Variants in OR1J2 observed in about 807,000 individuals in gnomAD.
OR1J2 encodes olfactory receptor family 1 subfamily J member 2, also known as olfactory receptor 1J2.
For missense variants in OR1J2, 304 were observed against 246.1 expected (o/e 1.24, Z -1.57); for synonymous variants, 142 against 99.7 (o/e 1.42, Z -2.52).
chr9:122,458,242 C>T, the OR1J2 span, among the ~76,000 whole-genome samples: 2 of 152,204 alleles, frequency 1.3e-5, no homozygotes, highest in East Asian at 1.9e-4. Context: ...CATGTTGAAA[C>T]GTGTCAGTTG....
the OR1J2 span, chr9:122,527,343 C>T: frequency 1.7e-6 from 2 of 1,167,288 alleles, no homozygotes; most frequent in Non-Finnish European, 2.5e-6. Flanking sequence ...TGCTAGATTT[C>T]ATCTACAACT....
the OR1J2 span, among the ~76,000 whole-genome samples, chr9:122,533,572 G>A: frequency 6.6e-6 from 1 of 152,228 alleles, no homozygotes; most frequent in South Asian, 2.1e-4. Context: ...CCCAGGTGTA[G>A]TCAAGGAACA....
chr9:122,494,518 T>G, the OR1J2 span, among the ~76,000 whole-genome samples: 4 of 152,278 alleles, frequency 2.6e-5, no homozygotes, highest in East Asian at 7.7e-4. Context: ...TTGTTTTTGG[T>G]GTCCATTTGC....
chr9:122,474,841 A>G, the OR1J2 span, among the ~76,000 whole-genome samples: 1 of 151,398 alleles, frequency 6.6e-6, no homozygotes, highest in Non-Finnish European at 1.5e-5. Flanking sequence ...CAGTAACAGC[A>G]TCTCTACCAA....
At chr9:122,545,319 G>A in the OR1J2 span, among the ~76,000 whole-genome samples, 7 of 152,068 alleles carry the variant, frequency 4.6e-5, no homozygotes, top group African/African-American at 7.2e-5. Flanking sequence ...ATGGTATTCC[G>A]TAAGTATCAA....
At chr9:122,467,775 G>C in the OR1J2 span, among the ~76,000 whole-genome samples, 3 of 152,286 alleles carry the variant, frequency 2.0e-5, no homozygotes, top group Admixed American at 6.5e-5. Context: ...AACCATGGGA[G>C]GAGGTTTGTT....
the OR1J2 span, chr9:122,527,229 T>C: frequency 1.2e-6 from 2 of 1,613,882 alleles, no homozygotes; most frequent in Non-Finnish European, 1.7e-6. Flanking sequence ...GAGGGACTGC[T>C]GTTGCTCTGG....
the OR1J2 span, among the ~76,000 whole-genome samples, chr9:122,482,259 A>G: frequency 6.6e-6 from 1 of 152,178 alleles, no homozygotes. Flanking sequence ...GCCAATAGGT[A>G]TATGGAAAAC....
At chr9:122,447,927 G>A in the OR1J2 span, among the ~76,000 whole-genome samples, 7 of 152,148 alleles carry the variant, frequency 4.6e-5, no homozygotes, top group South Asian at 2.1e-4. Context: ...GGTTGAGCCC[G>A]ATGAAGGGAG....
At chr9:122,510,364 G>T (rs574260815), upstream of OR1J2, among the ~76,000 whole-genome samples, 2 of 152,142 alleles carry the variant, frequency 1.3e-5, no homozygotes, top group South Asian at 4.2e-4. Flanking sequence ...TTTATGTTTT[G>T]TTATCGAACC....
chr9:122,531,250 A>G, the OR1J2 span, among the ~76,000 whole-genome samples: 1 of 152,144 alleles, frequency 6.6e-6, no homozygotes, highest in East Asian at 1.9e-4. Flanking sequence ...AATTATTGGA[A>G]GGAGGTTCAG....
the OR1J2 span, among the ~76,000 whole-genome samples, chr9:122,480,400 A>G: frequency 6.6e-6 from 1 of 152,198 alleles, no homozygotes; most frequent in Non-Finnish European, 1.5e-5. Flanking sequence ...TCACATCATT[A>G]GAAAACTTTA....
the OR1J2 span, chr9:122,526,853 C>T: frequency 6.2e-7 from 1 of 1,614,094 alleles, no homozygotes; most frequent in Non-Finnish European, 8.5e-7. Context: ...TGGTGAGGAC[C>T]CAGCACAATG....
At chr9:122,553,387 A>G in the OR1J2 span, 1 of 1,613,960 alleles carries the variant, frequency 6.2e-7, no homozygotes, top group Non-Finnish European at 8.5e-7. Flanking sequence ...CCACACCTCC[A>G]TACTCCCATG....
the OR1J2 span, among the ~76,000 whole-genome samples, chr9:122,504,253 TC>T: frequency 1.3e-5 from 2 of 152,288 alleles, no homozygotes; most frequent in South Asian, 4.1e-4. Flanking sequence ...AGTTCCTGGC[TC>T]CAGAAACACT....
the OR1J2 span, among the ~76,000 whole-genome samples, chr9:122,455,401 A>G: frequency 6.6e-6 from 1 of 152,342 alleles, no homozygotes; most frequent in African/African-American, 2.4e-5. Flanking sequence ...GATAAGGGGT[A>G]TGAAGTGATA....
chr9:122,525,792 GA>G, the OR1J2 span, among the ~76,000 whole-genome samples: 4 of 152,268 alleles, frequency 2.6e-5, no homozygotes, highest in East Asian at 7.7e-4. Flanking sequence ...TTTTGATGGG[GA>G]TCTCTTTAGC....
the OR1J2 span, among the ~76,000 whole-genome samples, chr9:122,536,973 A>T: frequency 1.3e-5 from 2 of 152,220 alleles, no homozygotes; most frequent in Non-Finnish European, 2.9e-5. Context: ...CTCATAGTAT[A>T]GTTTGAAGTC....
chr9:122,476,611 T>C, the OR1J2 span, among the ~76,000 whole-genome samples: 1 of 152,216 alleles, frequency 6.6e-6, no homozygotes, highest in South Asian at 2.1e-4. Flanking sequence ...ATAATTTGTA[T>C]TTCTGTATTA....
Sources: allele counts gnomAD v4.1 joint callset (sites outside exome capture counted in the v4.1 genomes callset), GRCh38; gene constraint gnomAD v4.1.1; transcripts MANE v1.5; gene names NCBI Gene and HGNC (gene_info 2026-07-23, HGNC 2026-07-21).